The following PLCE1 variants were observed in gnomAD, a reference collection of about 807,000 sequenced individuals.
PLCE1 encodes the protein phospholipase C epsilon 1.
PLCE1 carries 119 observed loss-of-function variants against 242.8 expected under a neutral mutation model. That is an observed-to-expected ratio of 0.49 (90% CI 0.42 to 0.57). The LOEUF (loss-of-function observed/expected upper bound fraction) is 0.57, where lower values mean the gene tolerates loss of function less well. PLCE1 is among the 20% of genes least tolerant of loss of function. The pLI, the probability that PLCE1 is intolerant of heterozygous loss-of-function variation, is 0.00. For missense variants in PLCE1, 2,441 were observed against 2,788.8 expected, an observed-to-expected ratio of 0.88 and a Z score of 2.81; for synonymous variants, 945 against 1,017.4, an observed-to-expected ratio of 0.93 and a Z score of 1.35.
chr10:94,155,579 A>G (rs1590140894), intron 3 of PLCE1: 2 of 151,702 alleles, frequency 1.3e-5, no homozygotes, highest in African/African-American at 2.4e-5. Context: ...TAGTTACACA[A>G]CTCTGTGAAT....
chr10:94,074,312 G>A (rs147124573), intron 2 of PLCE1, among the ~76,000 whole-genome samples: 153 of 150,748 alleles, frequency 1.0e-3, no homozygotes, highest in African/African-American at 3.7e-3. Flanking sequence ...CCCAACATCA[G>A]CCTCCTGAGT....
At chr10:94,324,780 A>T in intron 31 of PLCE1, 112 bp from the exon 32 acceptor site, 1 of 1,138,274 alleles carries the variant, frequency 8.8e-7, no homozygotes, top group Non-Finnish European at 1.3e-6. Flanking sequence ...CCTCAGCCCT[A>T]CTCTCTCCAA....
intron 3 of PLCE1, among the ~76,000 whole-genome samples, chr10:94,136,264 C>T (rs764470867): frequency 2.6e-5 from 4 of 152,056 alleles, no homozygotes; most frequent in Non-Finnish European, 4.4e-5. Flanking sequence ...TTAGTGTTTA[C>T]GGGCTATAGA....
At chr10:94,037,507 C>T (rs1338852007) in intron 2 of PLCE1, among the ~76,000 whole-genome samples, 1 of 152,146 alleles carries the variant, frequency 6.6e-6, no homozygotes, top group Non-Finnish European at 1.5e-5. Context: ...GGTGCTTAGG[C>T]TTAGCTGGAA....
At chr10:94,249,476 C>T (rs922341647) in intron 8 of PLCE1, among the ~76,000 whole-genome samples, 3 of 151,236 alleles carry the variant, frequency 2.0e-5, no homozygotes, top group Non-Finnish European at 2.9e-5. Flanking sequence ...ATTTGTGAAA[C>T]AATGTTTGGG....
chr10:94,147,353 T>C (rs936469279), intron 3 of PLCE1, among the ~76,000 whole-genome samples: 1 of 151,762 alleles, frequency 6.6e-6, no homozygotes, highest in Admixed American at 6.6e-5. Flanking sequence ...ACCCAGGAGA[T>C]GGAGGTTGCA....
At chr10:94,279,416 C>T (rs2052105679) in intron 19 of PLCE1, 1 of 301,228 alleles carries the variant, frequency 3.3e-6, no homozygotes. Flanking sequence ...TTAACAGAGA[C>T]ATACTTCTGA....
chr10:94,001,319 A>T (rs1448994060), intron 1 of PLCE1, among the ~76,000 whole-genome samples: 1 of 152,200 alleles, frequency 6.6e-6, no homozygotes, highest in Non-Finnish European at 1.5e-5. Flanking sequence ...AACCTCAAGG[A>T]AATGTGCTCC....
At chr10:94,101,235 C>T (rs993107697) in intron 2 of PLCE1, among the ~76,000 whole-genome samples, 9 of 152,164 alleles carry the variant, frequency 5.9e-5, no homozygotes, top group East Asian at 1.9e-4. Flanking sequence ...GCTCACCCCT[C>T]GGGGCTTCGG....
At chr10:94,093,541 T>G (rs2045161849) in intron 2 of PLCE1, among the ~76,000 whole-genome samples, 1 of 152,220 alleles carries the variant, frequency 6.6e-6, no homozygotes, top group South Asian at 2.1e-4. Flanking sequence ...AGACAGTCAG[T>G]GTCCATTAAT....
intron 4 of PLCE1, 131 bp from the exon 5 acceptor site, chr10:94,227,175 C>A: frequency 2.4e-6 from 2 of 835,624 alleles, no homozygotes; most frequent in Non-Finnish European, 4.0e-6. Flanking sequence ...CCACGCCCAG[C>A]CAGGACCTAC....
At chr10:94,321,288 A>G (rs2053788983) in intron 29 of PLCE1, among the ~76,000 whole-genome samples, 1 of 152,180 alleles carries the variant, frequency 6.6e-6, no homozygotes, top group Non-Finnish European at 1.5e-5. Flanking sequence ...TAATTGGCAA[A>G]ATGGTATATT....
At chr10:94,156,770 A>C (rs2047446451) in intron 3 of PLCE1, among the ~76,000 whole-genome samples, 1 of 152,066 alleles carries the variant, frequency 6.6e-6, no homozygotes, top group Non-Finnish European at 1.5e-5. Context: ...CCTCGTCTTG[A>C]AGCTATCCAG....
intron 27 of PLCE1, among the ~76,000 whole-genome samples, chr10:94,312,049 G>A (rs945527546): frequency 6.6e-6 from 1 of 152,018 alleles, no homozygotes; most frequent in African/African-American, 2.4e-5. Context: ...CAGATCTCTT[G>A]GTTTTTCAAG....
At chr10:94,115,786 C>G (rs1426631726) in intron 2 of PLCE1, among the ~76,000 whole-genome samples, 5 of 152,250 alleles carry the variant, frequency 3.3e-5, no homozygotes, top group Non-Finnish European at 5.9e-5. Context: ...CATTCATTCC[C>G]CATTGAAGTC....
At chr10:94,194,346 G>A (rs963626717) in intron 4 of PLCE1, among the ~76,000 whole-genome samples, 3 of 152,188 alleles carry the variant, frequency 2.0e-5, no homozygotes, top group African/African-American at 7.2e-5. Context: ...CTAAGAGACA[G>A]CCCTCTGTTC....
intron 3 of PLCE1, among the ~76,000 whole-genome samples, chr10:94,167,223 G>A (rs368084347): frequency 5.9e-5 from 9 of 152,170 alleles, no homozygotes; most frequent in East Asian, 3.9e-4. Flanking sequence ...CCCGGGAGGC[G>A]GCGGTTCGTG....
At position 94,268,981 on chromosome 10, in the gene PLCE1, A is replaced by G. The variant is rs1423447994; in HGVS notation, c.4334A>G (p.Asp1445Gly). ...GAATTGGACTGCTGGGACGGAGACG[A>G]TGGGATGCCCATCATTTATCATGGA... ...SVELDCWDGD[D>G]GMPIIYHGHT... The change falls in exon 17 of 33, where the codon GAT becomes GGT. Residue 1445 changes from aspartate to glycine, a missense_variant. By Grantham distance (94) the Asp-to-Gly change is moderately conservative. Coordinates refer to ENST00000371380, the MANE Select transcript of PLCE1 (RefSeq NM_016341.4). 5 of 1,606,720 alleles carry G rather than the reference A, an allele frequency of 3.1e-6. No homozygotes were observed. Among genetic ancestry groups the G allele is most frequent in the Non-Finnish European group, 4.3e-6 (5 of 1,175,138 alleles).
In PLCE1 at chr10:94,031,440, G is replaced by A; in HGVS notation, c.394G>A (p.Glu132Lys). ...FYEMYNSVAE[E>K]DLCLETGIPS... ...TGAAATGTACAACTCTGTTGCTGAG[G>A]AAGACTTGTGTTTAGAAACTGGAAT... is the stretch of plus-strand genomic sequence containing the variant. The change falls in exon 2 of 33, where the codon GAA becomes AAA. Residue 132 changes from glutamate to lysine, a missense_variant. Around this residue, in one of 5 missense-constraint regions of PLCE1, gnomAD observed 393 missense variants for 378.5 expected, o/e 1.04. Coordinates refer to ENST00000371380, the MANE Select transcript of PLCE1 (RefSeq NM_016341.4). 6.2e-7 allele frequency: 1 copy of A among 1,613,742 alleles called. No individual in the cohort carries two copies. The highest frequency in any genetic ancestry group is 8.5e-7 in the Non-Finnish European group (1 of 1,179,824).
Sources: gnomAD v4.1 joint callset for allele counts (sites outside exome capture counted in the v4.1 genomes callset) on GRCh38, gnomAD v4.1.1 for gene constraint, gnomAD v4.1.1 regional missense constraint, MANE v1.5 for transcripts, NCBI Gene and HGNC (gene_info 2026-07-23, HGNC 2026-07-21) for gene names.